Variants in DOK6 observed in about 807,000 individuals in gnomAD.
The protein encoded by DOK6 is docking protein 6, also known as downstream of tyrosine kinase 6.
A neutral mutation model predicts 44.0 loss-of-function variants in DOK6; 22 were observed. That is an observed-to-expected ratio of 0.50 (90% CI 0.36 to 0.71). DOK6 has a LOEUF of 0.71. Ranked by LOEUF, DOK6 falls within the 30% of genes least tolerant of loss-of-function variation. The pLI, the probability that DOK6 is intolerant of heterozygous loss-of-function variation, is 0.00. For missense variants in DOK6, 340 were observed against 416.4 expected, an observed-to-expected ratio of 0.82 and a Z score of 1.60; for synonymous variants, 166 against 145.5, an observed-to-expected ratio of 1.14 and a Z score of -1.01.
At position 69,481,793 on chromosome 18, in the gene DOK6, G is replaced by A. The variant is rs1027260160; in HGVS notation, c.66+80483G>A. 6.6e-5 allele frequency among the ~76,000 whole-genome samples: 10 copies of A among 152,222 alleles called. No individual in the cohort carries two copies. In the East Asian group the frequency reaches 7.7e-4, roughly 12 times the overall value. On this transcript the variant is annotated intron_variant, in intron 1 of 7. Coordinates refer to ENST00000382713, the MANE Select transcript of DOK6 (RefSeq NM_152721.6). ...TCTAGCTCTAGATCCTTGAGGAATC[G>A]CCACACTGTCTTCCACAATGGTTGA...
At chr18:69,796,669 A>T (rs181992823) in intron 7 of DOK6, among the ~76,000 whole-genome samples, 107 of 152,346 alleles carry the variant, frequency 7.0e-4, no homozygotes, top group African/African-American at 2.5e-3. Context: ...GAATGAATTT[A>T]AAAAGTGTAC....
intron 3 of DOK6, among the ~76,000 whole-genome samples, chr18:69,608,593 GGAT>G (rs1301112552): frequency 1.3e-5 from 2 of 152,042 alleles, no homozygotes; most frequent in Non-Finnish European, 1.5e-5. Context: ...GTTTTGGGTA[GGAT>G]GATATTTTAA....
At chr18:69,803,927 A>G (rs1355807357) in intron 7 of DOK6, among the ~76,000 whole-genome samples, 1 of 152,206 alleles carries the variant, frequency 6.6e-6, no homozygotes, top group Non-Finnish European at 1.5e-5. Context: ...GCAGGAAGAA[A>G]TAGAAAGTCA....
At chr18:69,774,381 T>A (rs1353050875) in intron 7 of DOK6, among the ~76,000 whole-genome samples, 4 of 151,324 alleles carry the variant, frequency 2.6e-5, no homozygotes, top group African/African-American at 7.3e-5. Context: ...GGGTGAGGGA[T>A]AAAGGACTAC....
At chr18:69,401,705 G>C (rs1916103810) in intron 1 of DOK6, among the ~76,000 whole-genome samples, 1 of 152,190 alleles carries the variant, frequency 6.6e-6, no homozygotes, top group South Asian at 2.1e-4. Flanking sequence ...CGACGCTCGC[G>C]TGTGTTTAGA....
intron 5 of DOK6, among the ~76,000 whole-genome samples, chr18:69,701,580 G>A (rs976713062): frequency 6.6e-6 from 1 of 152,120 alleles, no homozygotes; most frequent in African/African-American, 2.4e-5. Context: ...TGCCTGCATG[G>A]CCAAAATTCA....
chr18:69,788,242 A>T (rs908101262), intron 7 of DOK6, among the ~76,000 whole-genome samples: 4 of 152,186 alleles, frequency 2.6e-5, no homozygotes, highest in Admixed American at 2.0e-4. Context: ...ACAAAGCAGG[A>T]TACACACCCA....
chr18:69,629,876 T>C (rs766429479), intron 3 of DOK6, among the ~76,000 whole-genome samples: 1 of 152,154 alleles, frequency 6.6e-6, no homozygotes, highest in Non-Finnish European at 1.5e-5. Flanking sequence ...CTGAAATTTC[T>C]GCCTCCCAGG....
intron 3 of DOK6, among the ~76,000 whole-genome samples, chr18:69,637,864 G>A (rs1166431234): frequency 1.3e-5 from 2 of 150,940 alleles, no homozygotes; most frequent in Admixed American, 6.7e-5. Context: ...TTGACATTTC[G>A]GTTGGCAAAC....
chr18:69,656,276 T>C (rs1985365617), intron 3 of DOK6, among the ~76,000 whole-genome samples: 1 of 152,088 alleles, frequency 6.6e-6, no homozygotes, highest in Non-Finnish European at 1.5e-5. Flanking sequence ...TTCAGAAACA[T>C]AAAAGCAAAG....
chr18:69,638,476 G>A (rs1191237688), intron 3 of DOK6, among the ~76,000 whole-genome samples: 2 of 121,172 alleles, frequency 1.7e-5, no homozygotes, highest in African/African-American at 5.8e-5. Context: ...CATTGATTTG[G>A]GTATACTTAT....
chr18:69,795,909 C>T (rs1036314395), intron 7 of DOK6, among the ~76,000 whole-genome samples: 3 of 152,198 alleles, frequency 2.0e-5, no homozygotes, highest in South Asian at 2.1e-4. Context: ...TGGAAAGCAG[C>T]TTTGACCACG....
intron 1 of DOK6, among the ~76,000 whole-genome samples, chr18:69,560,465 A>G (rs1020147685): frequency 6.6e-6 from 1 of 152,106 alleles, no homozygotes; most frequent in Non-Finnish European, 1.5e-5. Context: ...ATATTGCTTA[A>G]CAAATATTCC....
intron 7 of DOK6, among the ~76,000 whole-genome samples, chr18:69,763,193 CA>C (rs1307780686): frequency 1.3e-5 from 2 of 152,176 alleles, no homozygotes; most frequent in African/African-American, 2.4e-5. Flanking sequence ...AAGTACTTGG[CA>C]GCCACTGTTT....
chr18:69,461,465 A>G (rs1979785661), intron 1 of DOK6, among the ~76,000 whole-genome samples: 1 of 151,936 alleles, frequency 6.6e-6, no homozygotes, highest in African/African-American at 2.4e-5. Context: ...GGCCTCTATT[A>G]AATAAATTCC....
intron 1 of DOK6, among the ~76,000 whole-genome samples, chr18:69,438,999 G>A (rs568794168): frequency 6.6e-4 from 101 of 152,212 alleles, no homozygotes; most frequent in Non-Finnish European, 1.3e-3. Flanking sequence ...TGGAGCCTGG[G>A]AGATGGAGGC....
intron 7 of DOK6, among the ~76,000 whole-genome samples, chr18:69,814,948 G>A (rs990964525): frequency 6.6e-6 from 1 of 152,142 alleles, no homozygotes; most frequent in Admixed American, 6.6e-5. Context: ...AAAAAGGTAA[G>A]ATGGAGAGGT....
At chr18:69,443,106 A>G (rs751765038) in intron 1 of DOK6, among the ~76,000 whole-genome samples, 3 of 152,174 alleles carry the variant, frequency 2.0e-5, no homozygotes, top group Non-Finnish European at 2.9e-5. Flanking sequence ...GCGTCAGTAG[A>G]CTCAGAGCTT....
intron 1 of DOK6, among the ~76,000 whole-genome samples, chr18:69,514,842 T>A (rs111607539): frequency 0.32 from 47,804 of 148,112 alleles, 8,298 homozygotes; most frequent in South Asian, 0.44. Context: ...CATATATATT[T>A]TTTTTTTTTG....
Sources: allele counts gnomAD v4.1 joint callset (sites outside exome capture counted in the v4.1 genomes callset), GRCh38; gene constraint gnomAD v4.1.1; transcripts MANE v1.5; gene names NCBI Gene and HGNC (gene_info 2026-07-23, HGNC 2026-07-21).